VPS53: variants seen among roughly 807,000 people sequenced by gnomAD.
VPS53 encodes VPS53 subunit of GARP complex.
A neutral mutation model predicts 107.0 loss-of-function variants in VPS53; 70 were observed. That is an observed-to-expected ratio of 0.65 (90% CI 0.54 to 0.80). The LOEUF (loss-of-function observed/expected upper bound fraction) is 0.80, where lower values mean the gene tolerates loss of function less well. VPS53 is among the 30% of genes least tolerant of loss of function. VPS53 has a pLI of 0.00. For synonymous variants in VPS53, 409 were observed against 393.3 expected, an observed-to-expected ratio of 1.04 and a Z score of -0.47; for missense variants, 917 against 1,049.4, an observed-to-expected ratio of 0.87 and a Z score of 1.74.
At chr17:599,038 C>T (rs8080276) in intron 12 of VPS53, among the ~76,000 whole-genome samples, 4,636 of 86,682 alleles carry the variant, frequency 0.053, 1,109 homozygotes, top group Non-Finnish European at 0.088. Flanking sequence ...CCGCCCCATC[C>T]GGGAGGTGAG....
rs1276758775 is a variant in VPS53 at position 697,350 on chromosome 17, G to A, written c.285+68C>T. On this transcript the variant is annotated intron_variant, in intron 4 of 21. Transcript: ENST00000437048. ...GTGCTCTGCAAGAGGGCACATCGAC[G>A]TTTTGGTCATCTGGTTGCCGGGAGA... 6.7e-6 allele frequency: 9 copies of A among 1,334,390 alleles called. No homozygotes were observed. In the East Asian group the frequency reaches 6.9e-5, roughly 10 times the overall value. 82.7% of individuals were successfully genotyped at this position (1,334,390 alleles called of 1,614,324 possible). A position where few individuals can be genotyped will look rare whatever the true frequency, so the allele number is the denominator to read the frequency against.
In VPS53 at chr17:586,367, GT is replaced by G; in HGVS notation, c.1219-4del. The G allele has an allele frequency of 6.2e-7, 1 of 1,613,632 alleles. No homozygotes were observed. The highest frequency in any genetic ancestry group is 8.5e-7 in the Non-Finnish European group (1 of 1,179,716). On this transcript the variant is annotated splice_region_variant and splice_polypyrimidine_tract_variant and intron_variant, in intron 12 of 21. Coordinates refer to ENST00000437048, the MANE Select transcript of VPS53 (RefSeq NM_001128159.3). The stretch of plus-strand genomic sequence containing the variant: ...TCTGGGGCTTTAGGCTTCTTTGGCT[GT>G]AAAAACAAAGAAAAATAAACCCCAT...
intron 13 of VPS53, among the ~76,000 whole-genome samples, chr17:565,276 G>T (rs1032726475): frequency 6.6e-6 from 1 of 151,604 alleles, no homozygotes; most frequent in Non-Finnish European, 1.5e-5. Context: ...GGTGGCGGGT[G>T]CCTGTAATCC....
chr17:561,435 C>T (rs886352837), intron 14 of VPS53, among the ~76,000 whole-genome samples: 16 of 152,100 alleles, frequency 1.1e-4, no homozygotes, highest in Non-Finnish European at 1.8e-4. Flanking sequence ...GACTAATACA[C>T]GTGGGAAAAT....
intron 13 of VPS53, among the ~76,000 whole-genome samples, chr17:571,532 G>C (rs11654277): frequency 1.5e-5 from 2 of 135,006 alleles, no homozygotes; most frequent in South Asian, 2.3e-4. Flanking sequence ...CTCTCCCTAC[G>C]GTCTCCCTCT....
chr17:610,167 ACACACACACAC>A, intron 11 of VPS53, among the ~76,000 whole-genome samples: 1 of 148,400 alleles, frequency 6.7e-6, no homozygotes, highest in Non-Finnish European at 1.5e-5. Flanking sequence ...ACACACACAC[ACACACACACAC>A]AAATTAGTAG....
intron 5 of VPS53, among the ~76,000 whole-genome samples, chr17:660,186 A>G (rs1372287602): frequency 3.9e-5 from 6 of 152,212 alleles, no homozygotes; most frequent in Admixed American, 3.9e-4. Context: ...CTCACCAACG[A>G]TGCATCCTAG....
At chr17:559,782 C>T (rs1171036683) in intron 15 of VPS53, among the ~76,000 whole-genome samples, 1 of 152,184 alleles carries the variant, frequency 6.6e-6, no homozygotes, top group African/African-American at 2.4e-5. Context: ...CAGGGGAATC[C>T]CAGACCAAGT....
chr17:566,462 C>A (rs1022112353), intron 13 of VPS53, among the ~76,000 whole-genome samples: 10 of 152,088 alleles, frequency 6.6e-5, no homozygotes, highest in Non-Finnish European at 1.3e-4. Context: ...GTTCTGCTGC[C>A]CCCGGCCCGC....
chr17:667,908 C>A (rs761772213), intron 4 of VPS53, among the ~76,000 whole-genome samples: 2 of 152,074 alleles, frequency 1.3e-5, no homozygotes, highest in Non-Finnish European at 2.9e-5. Flanking sequence ...GAACTGCACA[C>A]GCGAGGGATC....
chr17:657,364 T>C (rs2160955), intron 5 of VPS53: 313,692 of 774,688 alleles, frequency 0.4, 69,616 homozygotes, highest in Non-Finnish European at 0.47. Context: ...CCATCGATCT[T>C]AATGAACCGC....
At position 523,779 on chromosome 17, in the gene VPS53, C is replaced by T. The variant is rs1033003427; in HGVS notation, c.2086-2041G>A. Among the ~76,000 whole-genome samples, 13 of 152,216 alleles carry T rather than the reference C, an allele frequency of 8.5e-5. 1 individual carries two copies. In the South Asian group the frequency reaches 1.0e-3, roughly 12 times the overall value. On this transcript the variant is annotated intron_variant, in intron 19 of 21. Transcript: ENST00000437048. ...TCTAGAGATAGAAATTCTTACTATC[C>T]TAGTGTCTGCTTTGTTGAAAAGGCC...
intron 13 of VPS53, among the ~76,000 whole-genome samples, chr17:581,262 G>C (rs974760400): frequency 2.8e-5 from 4 of 142,172 alleles, no homozygotes; most frequent in Admixed American, 7.0e-5. Flanking sequence ...ATCTCAATTC[G>C]TTTCCAGAGA....
At chr17:617,521 CCT>C (rs1969198075) in intron 11 of VPS53, among the ~76,000 whole-genome samples, 2 of 151,788 alleles carry the variant, frequency 1.3e-5, no homozygotes, top group African/African-American at 4.8e-5. Flanking sequence ...CCTGTCTCAG[CCT>C]CTCAGGTAGC....
intron 9 of VPS53, 150 bp from the exon 10 acceptor site, chr17:627,466 G>C: frequency 1.8e-6 from 2 of 1,141,624 alleles, no homozygotes; most frequent in Middle Eastern, 3.0e-4. Context: ...TTTTTAACTT[G>C]ATTTTTTACT....
intron 4 of VPS53, among the ~76,000 whole-genome samples, chr17:688,305 C>G (rs1400776356): frequency 6.6e-6 from 1 of 152,166 alleles, no homozygotes; most frequent in East Asian, 1.9e-4. Flanking sequence ...TCGCTCAGCT[C>G]TCATTCTTCC....
intron 11 of VPS53, 23 bp downstream of exon 11, chr17:623,510 C>A: frequency 6.3e-7 from 1 of 1,597,500 alleles, no homozygotes; most frequent in South Asian, 1.1e-5. Flanking sequence ...TTTCACGTGG[C>A]AGCTCCCTAG....
intron 13 of VPS53, among the ~76,000 whole-genome samples, chr17:568,999 G>A (rs1417573584): frequency 1.1e-4 from 16 of 152,154 alleles, no homozygotes; most frequent in Admixed American, 9.2e-4. Context: ...CAATGACACC[G>A]AGCAGCAATG....
intron 12 of VPS53, among the ~76,000 whole-genome samples, chr17:591,198 T>C (rs981388955): frequency 0.045 from 6,460 of 142,048 alleles, 409 homozygotes; most frequent in African/African-American, 0.15. Flanking sequence ...GATGGTAGTT[T>C]GTATTTCTGT....
Sources: allele counts gnomAD v4.1 joint callset (sites outside exome capture counted in the v4.1 genomes callset), GRCh38; gene constraint gnomAD v4.1.1; transcripts MANE v1.5; gene names NCBI Gene and HGNC (gene_info 2026-07-23, HGNC 2026-07-21).